The following CNTNAP2 variants were observed in gnomAD, a reference collection of about 807,000 sequenced individuals.
The protein encoded by CNTNAP2 is contactin associated protein 2.
In CNTNAP2, 98 loss-of-function variants were observed where a neutral mutation model predicts 155.2. The ratio of observed to expected loss-of-function variants is 0.63; its 90% CI spans 0.54 to 0.75. The LOEUF (loss-of-function observed/expected upper bound fraction) is 0.75. Among genes scored for constraint, CNTNAP2 ranks in the 30% least tolerant of loss-of-function variants. The probability of loss-of-function intolerance (pLI) is 0.00; values close to 1 mark genes in which losing one functional copy is unlikely to be tolerated. For synonymous variants in CNTNAP2, 651 were observed against 631.2 expected, an observed-to-expected ratio of 1.03 and a Z score of -0.47; for missense variants, 1,727 against 1,688.1, an observed-to-expected ratio of 1.02 and a Z score of -0.40.
intron 1 of CNTNAP2, among the ~76,000 whole-genome samples, chr7:146,732,247 T>TA (rs1356541013): frequency 1.3e-5 from 2 of 152,190 alleles, no homozygotes. Context: ...CATTTTTATT[T>TA]ATAAAGCCGA....
chr7:146,500,430 A>C (rs1314731348), intron 1 of CNTNAP2, among the ~76,000 whole-genome samples: 1 of 152,118 alleles, frequency 6.6e-6, no homozygotes, highest in African/African-American at 2.4e-5. Flanking sequence ...AGAAAACAGA[A>C]ACTTAGTTGG....
At chr7:146,534,920 A>G (rs1489536705) in intron 1 of CNTNAP2, among the ~76,000 whole-genome samples, 6 of 148,538 alleles carry the variant, frequency 4.0e-5, no homozygotes, top group African/African-American at 1.5e-4. Flanking sequence ...GATTAGGCAT[A>G]AAATTGCTGA....
intron 1 of CNTNAP2, among the ~76,000 whole-genome samples, chr7:146,454,037 G>A (rs1796520132): frequency 6.6e-6 from 1 of 151,920 alleles, no homozygotes; most frequent in Admixed American, 6.6e-5. Flanking sequence ...AAAAATAGAA[G>A]TTCAAAAAAA....
At chr7:147,501,635 A>G (rs1477561829) in intron 11 of CNTNAP2, among the ~76,000 whole-genome samples, 1 of 152,220 alleles carries the variant, frequency 6.6e-6, no homozygotes, top group African/African-American at 2.4e-5. Context: ...TAGACTTTCT[A>G]TTAGATGATT....
At chr7:147,279,714 C>T (rs371356272) in intron 8 of CNTNAP2, among the ~76,000 whole-genome samples, 1 of 151,832 alleles carries the variant, frequency 6.6e-6, no homozygotes, top group Non-Finnish European at 1.5e-5. Context: ...TTAGAATTCT[C>T]GTCAGCTCTC....
At chr7:147,796,867 C>T (rs1417900685) in intron 13 of CNTNAP2, among the ~76,000 whole-genome samples, 1 of 151,966 alleles carries the variant, frequency 6.6e-6, no homozygotes, top group Non-Finnish European at 1.5e-5. Context: ...TTTCATGGAG[C>T]ATCTCAGGCT....
intron 13 of CNTNAP2, among the ~76,000 whole-genome samples, chr7:147,861,586 A>G (rs1799133066): frequency 6.6e-6 from 1 of 152,214 alleles, no homozygotes; most frequent in South Asian, 2.1e-4. Flanking sequence ...AGAAGAGAAA[A>G]GAATTTAAAA....
At chr7:146,903,234 G>A (rs2129214148) in intron 3 of CNTNAP2, among the ~76,000 whole-genome samples, 1 of 152,228 alleles carries the variant, frequency 6.6e-6, no homozygotes, top group East Asian at 1.9e-4. Context: ...ATAAAATCCT[G>A]TTTTGTCACC....
At chr7:146,902,038 G>C (rs1465607621) in intron 3 of CNTNAP2, among the ~76,000 whole-genome samples, 1 of 151,742 alleles carries the variant, frequency 6.6e-6, no homozygotes, top group Non-Finnish European at 1.5e-5. Flanking sequence ...ACCTCGCCCG[G>C]CTAATTTTTC....
At chr7:148,048,768 G>A (rs1802824733) in intron 15 of CNTNAP2, among the ~76,000 whole-genome samples, 1 of 152,186 alleles carries the variant, frequency 6.6e-6, no homozygotes, top group East Asian at 1.9e-4. Context: ...GGCTGGAGCT[G>A]GTGTTTTTGC....
At chr7:148,393,288 TTA>T (rs959571594) in intron 22 of CNTNAP2, among the ~76,000 whole-genome samples, 2 of 152,182 alleles carry the variant, frequency 1.3e-5, no homozygotes, top group Non-Finnish European at 2.9e-5. Flanking sequence ...TAATGCATTT[TTA>T]TCTCTCACAC....
chr7:146,296,113 G>A (rs1800510784), intron 1 of CNTNAP2, among the ~76,000 whole-genome samples: 1 of 152,124 alleles, frequency 6.6e-6, no homozygotes, highest in Admixed American at 6.6e-5. Flanking sequence ...ATGTAGGATA[G>A]ATAGGATCTC....
chr7:148,276,034 G>A (rs1188770659), intron 21 of CNTNAP2, among the ~76,000 whole-genome samples: 2 of 152,274 alleles, frequency 1.3e-5, no homozygotes, highest in Admixed American at 6.5e-5. Flanking sequence ...TAAAAATGCT[G>A]CAGCATAAGC....
At chr7:146,818,260 T>G (rs879676518) in intron 2 of CNTNAP2, among the ~76,000 whole-genome samples, 1 of 152,204 alleles carries the variant, frequency 6.6e-6, no homozygotes, top group Non-Finnish European at 1.5e-5. Flanking sequence ...ATCAAGAGAC[T>G]GTTAAAATGG....
intron 13 of CNTNAP2, among the ~76,000 whole-genome samples, chr7:147,860,871 A>G (rs78023575): frequency 0.033 from 4,969 of 152,300 alleles, 138 homozygotes; most frequent in Non-Finnish European, 0.052. Flanking sequence ...TTAAAGTGCT[A>G]TGTGTTATCT....
intron 1 of CNTNAP2, among the ~76,000 whole-genome samples, chr7:146,623,078 G>GC (rs1196209693): frequency 6.6e-6 from 1 of 151,786 alleles, no homozygotes; most frequent in Admixed American, 6.6e-5. Flanking sequence ...GTTAGTGGTA[G>GC]CCCCCTGGAG....
chr7:146,173,657 A>T (rs1164576907), intron 1 of CNTNAP2, among the ~76,000 whole-genome samples: 3 of 152,182 alleles, frequency 2.0e-5, no homozygotes, highest in Non-Finnish European at 4.4e-5. Context: ...AATAGTTGGT[A>T]TATTTATTTT....
chr7:147,267,227 A>G (rs760254190), intron 8 of CNTNAP2, among the ~76,000 whole-genome samples: 5 of 152,210 alleles, frequency 3.3e-5, no homozygotes, highest in Non-Finnish European at 7.3e-5. Flanking sequence ...GGTTACATCC[A>G]TTGATTCTTT....
intron 13 of CNTNAP2, among the ~76,000 whole-genome samples, chr7:147,750,992 A>C (rs1283448722): frequency 6.6e-6 from 1 of 152,292 alleles, no homozygotes; most frequent in East Asian, 1.9e-4. Context: ...GTGAGCCGAG[A>C]TCGCACCACT....
Sources: allele counts gnomAD v4.1 joint callset (sites outside exome capture counted in the v4.1 genomes callset), GRCh38; gene constraint gnomAD v4.1.1; transcripts MANE v1.5; gene names NCBI Gene and HGNC (gene_info 2026-07-23, HGNC 2026-07-21).